The following NECTIN3 variants were observed in gnomAD, a reference collection of about 807,000 sequenced individuals.
NECTIN3 encodes the protein nectin-3.
Under a neutral mutation model 49.4 loss-of-function variants are expected in NECTIN3, and 8 were observed. That is an observed-to-expected ratio of 0.16 (90% confidence interval 0.10 to 0.29). The LOEUF is 0.29. Among genes scored for constraint, NECTIN3 ranks in the 10% least tolerant of loss-of-function variants. The probability of loss-of-function intolerance (pLI) is 1.00; values close to 1 mark genes in which losing one functional copy is unlikely to be tolerated. For missense variants in NECTIN3, 581 were observed against 654.6 expected (o/e 0.89, Z 1.23); for synonymous variants, 277 against 241.1 (o/e 1.15, Z -1.38).
upstream of NECTIN3, among the ~76,000 whole-genome samples, chr3:111,191,354 C>G (rs1042564974): frequency 5.3e-5 from 8 of 151,992 alleles, no homozygotes; most frequent in Non-Finnish European, 1.2e-4. Flanking sequence ...ACACTTCAAC[C>G]AGCACTCTCA....
At chr3:111,120,519 G>A (rs1281749345) in intron 3 of NECTIN3, among the ~76,000 whole-genome samples, 2 of 151,860 alleles carry the variant, frequency 1.3e-5, no homozygotes, top group African/African-American at 2.4e-5. Flanking sequence ...ACATTTTTTA[G>A]TACCACTTTT....
At chr3:111,107,653 C>T (rs2033243641) in intron 1 of NECTIN3, among the ~76,000 whole-genome samples, 1 of 152,090 alleles carries the variant, frequency 6.6e-6, no homozygotes, top group Admixed American at 6.6e-5. Context: ...TCTTCAGGAC[C>T]TTTCTGCTCT....
chr3:111,071,965 G>A lies in NECTIN3; in HGVS notation c.-53G>A, dbSNP rs1231616999. On this transcript the variant is annotated 5_prime_UTR_variant, in exon 1 of 6. Transcript: ENST00000485303. ...CTCCGCCCAGAGCCTGAGGCGCCGG[G>A]GCCGGGGGAGCCGGGGGGCGGGCGG... is the stretch of plus-strand genomic sequence containing the variant. The A allele has an allele frequency of 3.0e-6, 4 of 1,321,666 alleles. No individual in the cohort carries two copies. Among genetic ancestry groups the A allele is most frequent in the Admixed American group, 3.4e-5 (1 of 29,762 alleles). The allele number at this position is 1,321,666 out of a possible 1,614,324, so 81.9% of individuals were successfully genotyped here.
chr3:111,120,642 A>G, intron 3 of NECTIN3, among the ~76,000 whole-genome samples: 1 of 152,046 alleles, frequency 6.6e-6, no homozygotes, highest in East Asian at 1.9e-4. Context: ...TTCCAGTAGG[A>G]CAGTCTTCCC....
At chr3:111,104,511 G>C (rs555572642) in intron 1 of NECTIN3, among the ~76,000 whole-genome samples, 2 of 151,788 alleles carry the variant, frequency 1.3e-5, no homozygotes, top group South Asian at 4.2e-4. Context: ...GTAGAGATGG[G>C]TTCTCACTAT....
At chr3:111,087,261 A>G (rs886442847) in intron 1 of NECTIN3, among the ~76,000 whole-genome samples, 3 of 152,202 alleles carry the variant, frequency 2.0e-5, no homozygotes, top group Non-Finnish European at 4.4e-5. Flanking sequence ...GTGATATTAA[A>G]GTGGTGACTA....
chr3:111,157,567 A>C (rs906189799), intron 7 of NECTIN3, among the ~76,000 whole-genome samples: 2 of 152,110 alleles, frequency 1.3e-5, no homozygotes, highest in South Asian at 2.1e-4. Flanking sequence ...TTTGAACTGC[A>C]AGATGAAGGT....
chr3:111,175,483 CTGTT>C (rs1334873630), intron 7 of NECTIN3, among the ~76,000 whole-genome samples: 1 of 151,984 alleles, frequency 6.6e-6, no homozygotes, highest in African/African-American at 2.4e-5. Flanking sequence ...TGTTGTTTAA[CTGTT>C]TGAATGACAA....
In NECTIN3 at chr3:111,136,512, G is replaced by A; in HGVS notation, c.*2297G>A. 1.0e-6 allele frequency: 1 copy of A among 980,746 alleles called. No individual in the cohort carries two copies. Among genetic ancestry groups the A allele is most frequent in the Non-Finnish European group, 1.2e-6 (1 of 825,916 alleles). 60.8% of individuals were successfully genotyped at this position (980,746 alleles called of 1,614,324 possible). A position where few individuals can be genotyped will look rare whatever the true frequency, so the allele number is the denominator to read the frequency against. On this transcript the variant is annotated 3_prime_UTR_variant, in exon 6 of 6. Transcript: ENST00000485303. ...ATACTAGTGCTTAAGACTTTGGGAAGCATTGCACTGTTGTTTATTAGAACT... is the reference window on the plus strand; with the variant it reads ...ATACTAGTGCTTAAGACTTTGGGAAACATTGCACTGTTGTTTATTAGAACT...
chr3:111,124,812 A>G lies in NECTIN3; in HGVS notation c.918-1372A>G, dbSNP rs147761282. 5.8e-4 allele frequency among the ~76,000 whole-genome samples: 88 copies of G among 152,166 alleles called. 1 individual carries two copies. Among genetic ancestry groups the G allele is most frequent in the Admixed American group, 1.6e-3 (25 of 15,286 alleles). On this transcript the variant is annotated intron_variant, in intron 4 of 5. Coordinates refer to ENST00000485303, the MANE Select transcript of NECTIN3 (RefSeq NM_015480.3). The stretch of plus-strand genomic sequence containing the variant: ...TTATTCCCTGTGTAATCATTTGTCA[A>G]TCTTCTATGTACTTACATAATTGAA...
Position 111,192,526 on chromosome 3 carries a change from G to A in NECTIN3, c.63+113G>A, listed in dbSNP as rs565898267. The A allele has an allele frequency of 6.0e-4, 647 of 1,077,976 alleles. 1 individual carries two copies. The highest frequency in any genetic ancestry group is 5.9e-4 in the Non-Finnish European group (445 of 752,688). The allele number at this position is 1,077,976 out of a possible 1,614,324, so 66.8% of individuals were successfully genotyped here. A position where few individuals can be genotyped will look rare whatever the true frequency, so the allele number is the denominator to read the frequency against. On this transcript the variant is annotated intron_variant, in intron 1 of 1. Coordinates refer to the NECTIN3 transcript ENST00000485506. ...TTTTATTCATCTTTCCCCTATTTGAGTGTCTCTGCTAAGATCTGGTAGTCC... is the reference window on the plus strand; with the variant it reads ...TTTTATTCATCTTTCCCCTATTTGAATGTCTCTGCTAAGATCTGGTAGTCC...
At chr3:111,162,059 C>A (rs2035223106) in intron 7 of NECTIN3, among the ~76,000 whole-genome samples, 1 of 152,106 alleles carries the variant, frequency 6.6e-6, no homozygotes, top group Non-Finnish European at 1.5e-5. Flanking sequence ...CTGATCCCAA[C>A]CCCTTAGGAT....
intron 7 of NECTIN3, among the ~76,000 whole-genome samples, chr3:111,182,610 A>G (rs1010940392): frequency 6.6e-6 from 1 of 152,094 alleles, no homozygotes; most frequent in Non-Finnish European, 1.5e-5. Context: ...ATTTGTCCTG[A>G]AGTTACTTTG....
intron 7 of NECTIN3, among the ~76,000 whole-genome samples, chr3:111,165,574 T>C (rs964326196): frequency 1.3e-5 from 2 of 152,164 alleles, no homozygotes; most frequent in Non-Finnish European, 2.9e-5. Context: ...CGGAGTACGG[T>C]ATGGAATTGA....
chr3:111,118,759 A>G lies in NECTIN3; in HGVS notation c.606A>G (p.Ala202=), dbSNP rs747481822. The change falls in exon 3 of 6, where the codon GCA becomes GCG. Residue 202 remains alanine, a synonymous_variant. Transcript: ENST00000485303. ...ICIAATGKPV[A]HIDWEGDLGE... is the part of the protein sequence containing the mutation. ...TCGCAGCCACTGGAAAACCCGTTGC[A>G]CATATTGACTGGGAAGGTGATCTTG... 1.9e-6 allele frequency: 3 copies of G among 1,614,190 alleles called. No homozygotes were observed. The highest frequency in any genetic ancestry group is 2.5e-6 in the Non-Finnish European group (3 of 1,180,034).
Position 111,136,613 on chromosome 3 carries a change from T to G in NECTIN3, c.*2398T>G. The G allele has an allele frequency of 2.2e-6, 2 of 920,500 alleles. No individual in the cohort carries two copies. Among genetic ancestry groups the G allele is most frequent in the Middle Eastern group, 5.6e-4 (1 of 1,796 alleles). The allele number at this position is 920,500 out of a possible 1,614,324, so 57.0% of individuals were successfully genotyped here. On this transcript the variant is annotated 3_prime_UTR_variant, in exon 6 of 6. Coordinates refer to ENST00000485303, the MANE Select transcript of NECTIN3 (RefSeq NM_015480.3). ...TTAAATAAAGACATTGTTAAATTAG[T>G]TTTTGAATACCAGTGATATTCATAA...
intron 1 of NECTIN3, among the ~76,000 whole-genome samples, chr3:111,084,589 A>G (rs536360655): frequency 6.6e-6 from 1 of 152,234 alleles, no homozygotes; most frequent in Admixed American, 6.5e-5. Flanking sequence ...GGGTGTCTGA[A>G]AGTTTGAGAA....
At chr3:111,093,510 C>T (rs1337547525) in intron 1 of NECTIN3, among the ~76,000 whole-genome samples, 1 of 151,750 alleles carries the variant, frequency 6.6e-6, no homozygotes, top group Non-Finnish European at 1.5e-5. Context: ...TCTTGGCTCC[C>T]TGCAACCTCC....
intron 1 of NECTIN3, among the ~76,000 whole-genome samples, chr3:111,098,928 T>TA (rs371816550): frequency 0.17 from 24,045 of 139,784 alleles, 3,638 homozygotes; most frequent in African/African-American, 0.41. Flanking sequence ...AACGTTAGTT[T>TA]AAAAAAAAAA....
Sources: allele counts gnomAD v4.1 joint callset (sites outside exome capture counted in the v4.1 genomes callset), GRCh38; gene constraint gnomAD v4.1.1; transcripts MANE v1.5; gene names NCBI Gene and HGNC (gene_info 2026-07-23, HGNC 2026-07-21).